CHD6: variants seen among roughly 807,000 people sequenced by gnomAD.
The protein encoded by CHD6 is ATP-dependent chromatin remodeler CHD6.
CHD6 carries 50 observed loss-of-function variants against 276.9 expected under a neutral mutation model. The observed-to-expected ratio is 0.18, with a 90% CI of 0.14 to 0.23. CHD6 has a LOEUF of 0.23. CHD6 is among the 10% of genes least tolerant of loss of function. CHD6 has a pLI of 1.00. For missense variants in CHD6, 2,564 were observed against 3,365.8 expected (o/e 0.76, Z 5.89); for synonymous variants, 1,173 against 1,229.3 (o/e 0.95, Z 0.96).
At chr20:41,427,783 T>C (rs2047412372) in intron 27 of CHD6, among the ~76,000 whole-genome samples, 1 of 152,238 alleles carries the variant, frequency 6.6e-6, no homozygotes, top group Non-Finnish European at 1.5e-5. Context: ...CAGTTAAATA[T>C]ACCATTTTAT....
chr20:41,469,236 C>T (rs568675336), intron 17 of CHD6, among the ~76,000 whole-genome samples: 1 of 152,256 alleles, frequency 6.6e-6, no homozygotes, highest in South Asian at 2.1e-4. Context: ...ACATCTGCTC[C>T]CACACTTTCT....
rs2046636300 is a variant in CHD6, at chr20:41,405,178, C to A, written c.7563G>T (p.Met2521Ile). Residue 2521 changes from methionine to isoleucine, a missense_variant, in exon 37 of 37, where the codon ATG (methionine) becomes ATT (isoleucine). Transcript: ENST00000373233. ...GGGGCACAGCAGCCATGCCTGGCAGCATCATGGGCAGCATGCTCAGGGTAC... is the reference window on the plus strand; with the variant it reads ...GGGGCACAGCAGCCATGCCTGGCAGAATCATGGGCAGCATGCTCAGGGTAC... ...VKSTLSMLPM[M>I]LPGMAAVPQM... is the part of the protein sequence containing the mutation. 6.2e-7 allele frequency: 1 copy of A among 1,614,224 alleles called. No homozygotes were observed. Among genetic ancestry groups the A allele is most frequent in the African/African-American group, 1.3e-5 (1 of 75,062 alleles).
chr20:41,569,383 T>C (rs546179830), intron 1 of CHD6, among the ~76,000 whole-genome samples: 5 of 152,248 alleles, frequency 3.3e-5, no homozygotes, highest in Non-Finnish European at 7.3e-5. Flanking sequence ...TCACCTACTT[T>C]AAACTCATAC....
At chr20:41,496,536 T>C (rs764404847) in intron 8 of CHD6, among the ~76,000 whole-genome samples, 78 of 152,316 alleles carry the variant, frequency 5.1e-4, no homozygotes, top group Non-Finnish European at 9.4e-4. Flanking sequence ...AAAGCTCTAT[T>C]CAAAACTAAG....
intron 1 of CHD6, chr20:41,564,296 A>G: frequency 1.7e-6 from 1 of 577,496 alleles, no homozygotes; most frequent in South Asian, 2.3e-5. Context: ...CAAAAAACTC[A>G]CAACTCCCAA....
At chr20:41,498,337 T>TA (rs745926980) in intron 6 of CHD6, 111 bp from the exon 7 acceptor site, 3 of 783,438 alleles carry the variant, frequency 3.8e-6, no homozygotes, top group Admixed American at 2.9e-5. Flanking sequence ...AAAGATTTCT[T>TA]AAGGCATATT....
rs1020296520 is a variant in CHD6 at position 41,555,438 on chromosome 20, G to T, written c.-23-4078C>A. Among the ~76,000 whole-genome samples, 4 of 149,516 alleles carry T rather than the reference G, an allele frequency of 2.7e-5. 1 individual carries two copies. The highest frequency in any genetic ancestry group is 1.0e-4 in the African/African-American group (4 of 39,180). On this transcript the variant is annotated intron_variant, in intron 1 of 36. Transcript: ENST00000373233. ...GACCCCCACCTCCCTCCCGGACGGG[G>T]TGGCTGCCGGGCGGAGACGCTCCTC...
At chr20:41,514,686 G>T in intron 4 of CHD6, 119 bp downstream of exon 4, 1 of 1,174,812 alleles carries the variant, frequency 8.5e-7, no homozygotes, top group Non-Finnish European at 1.2e-6. Flanking sequence ...AACGGTAAAA[G>T]CCCAGCCCAG....
intron 2 of CHD6, among the ~76,000 whole-genome samples, chr20:41,543,819 T>A (rs959207356): frequency 3.3e-5 from 5 of 152,200 alleles, no homozygotes; most frequent in African/African-American, 1.2e-4. Context: ...TATTACGTAG[T>A]TCCTGGATAG....
intron 33 of CHD6, among the ~76,000 whole-genome samples, chr20:41,416,121 G>T (rs1054697187): frequency 1.3e-5 from 2 of 152,106 alleles, no homozygotes; most frequent in Non-Finnish European, 2.9e-5. Context: ...CCACCAAAAC[G>T]CTCACTCCTG....
rs1316097511 is a variant in CHD6, at chr20:41,473,601, T to C, written c.2469-84A>G. On this transcript the variant is annotated intron_variant, in intron 16 of 36. Transcript: ENST00000373233. This position sits in a 1 kb window ranked among gnomAD's most constrained non-coding sequence, Gnocchi z 4.1. ...GCACAAAATGCAGGAAGCTGTCGAC[T>C]GATGGCCTTAAATCCCTCACTTCTA... The C allele has an allele frequency of 2.6e-6, 3 of 1,141,534 alleles. No homozygotes were observed. The highest frequency in any genetic ancestry group is 3.9e-6 in the Non-Finnish European group (3 of 778,802). 70.7% of individuals were successfully genotyped at this position (1,141,534 alleles called of 1,614,324 possible).
In CHD6 at chr20:41,447,589, C is replaced by T. The variant is rs767477863; in HGVS notation, c.3773+293G>A. ...AGATCAGTAACCGACACTCGTTCTA[C>T]AGTAAATGACTGTTTTAAAAGAAAA... On this transcript the variant is annotated intron_variant, in intron 24 of 36. Coordinates refer to ENST00000373233, the MANE Select transcript of CHD6 (RefSeq NM_032221.5). Among the ~76,000 whole-genome samples the T allele has an allele frequency of 2.0e-5, 3 of 152,194 alleles. No homozygotes were observed. In the East Asian group the frequency reaches 5.8e-4, roughly 29 times the overall value.
At position 41,404,950 on chromosome 20, in the gene CHD6, A is replaced by G; in HGVS notation, c.7791T>C (p.Ser2597=). 1 of 1,614,234 alleles carries G rather than the reference A, an allele frequency of 6.2e-7. No homozygotes were observed. Among genetic ancestry groups the G allele is most frequent in the South Asian group, 1.1e-5 (1 of 91,080 alleles). The part of the protein sequence containing the change: ...KPGPGPFSDQ[S]EPAITTSSPV... The stretch of plus-strand genomic sequence containing the variant: ...GACTACTAGTAGTTATTGCAGGTTC[A>G]GACTGATCAGAAAATGGACCTGGAC... The change falls in exon 37 of 37, where the codon TCT becomes TCC. Residue 2597 remains serine (S), a synonymous_variant. Transcript: ENST00000373233.
At position 41,420,750 on chromosome 20, in the gene CHD6, G is replaced by A. The variant is rs763218701; in HGVS notation, c.5885C>T (p.Ala1962Val). The A allele has an allele frequency of 6.2e-7, 1 of 1,614,244 alleles. No homozygotes were observed. The highest frequency in any genetic ancestry group is 8.5e-7 in the Non-Finnish European group (1 of 1,180,046). ...ACTTTTGAACAGATCTGGGATATAA[G>A]CCTTGGGTTTCTCGATTTCAAATTC... ...NDEFEIEKPK[A>V]YIPDLFKSKT... The change falls in exon 31 of 37, where the codon GCT becomes GTT. Residue 1962 changes from alanine to valine, a missense_variant. Physicochemically the swap from Ala to Val is moderately conservative, Grantham distance 64. Around this residue, in one of 7 missense-constraint regions of CHD6, gnomAD observed 1,024 missense variants for 1,047.9 expected, o/e 0.98. Coordinates refer to ENST00000373233, the MANE Select transcript of CHD6 (RefSeq NM_032221.5).
intron 3 of CHD6, among the ~76,000 whole-genome samples, chr20:41,531,367 C>T (rs2044681071): frequency 6.6e-6 from 1 of 152,202 alleles, no homozygotes; most frequent in African/African-American, 2.4e-5. Context: ...AGTTGCCACA[C>T]TAGCTCATGT....
chr20:41,483,473 A>G lies in CHD6; in HGVS notation c.2304T>C (p.Pro768=). ...ILEDFRKTHS[P]DAPDFQLQAM... is the part of the protein sequence containing the mutation. ...CCTGCAGCTGAAAGTCAGGGGCATC[A>G]GGGCTGTGGGTTTTTCGGAAATCTT... Residue 768 remains proline (P), a synonymous_variant, in exon 16 of 37, where the codon CCT becomes CCC. Transcript: ENST00000373233. 1 of 1,613,516 alleles carries G rather than the reference A, an allele frequency of 6.2e-7. No homozygotes were observed. Among genetic ancestry groups the G allele is most frequent in the African/African-American group, 1.3e-5 (1 of 75,018 alleles).
At chr20:41,519,604 G>A (rs1568667688) in intron 3 of CHD6, among the ~76,000 whole-genome samples, 1 of 152,106 alleles carries the variant, frequency 6.6e-6, no homozygotes, top group Non-Finnish European at 1.5e-5. Flanking sequence ...AATGGTGCTG[G>A]GAAAACTGGC....
intron 1 of CHD6, among the ~76,000 whole-genome samples, chr20:41,598,005 G>C (rs918090986): frequency 6.6e-6 from 1 of 152,060 alleles, no homozygotes; most frequent in Non-Finnish European, 1.5e-5. Flanking sequence ...GCCATAGCTG[G>C]TCCAATGTTC....
chr20:41,438,856 T>G (rs2047803854), intron 26 of CHD6, among the ~76,000 whole-genome samples: 1 of 152,192 alleles, frequency 6.6e-6, no homozygotes, highest in Admixed American at 6.5e-5. Context: ...CTCGGTTATC[T>G]GTCCTCAAGA....
Sources: allele counts gnomAD v4.1 joint callset (sites outside exome capture counted in the v4.1 genomes callset), GRCh38; gene constraint gnomAD v4.1.1; regional missense constraint gnomAD v4.1.1; non-coding constraint Gnocchi (gnomAD v3.1); transcripts MANE v1.5; gene names NCBI Gene and HGNC (gene_info 2026-07-23, HGNC 2026-07-21).